Variants in MAN2A1 observed in about 807,000 individuals in gnomAD.
The protein encoded by MAN2A1 is alpha-mannosidase 2.
Under a neutral mutation model 142.6 loss-of-function variants are expected in MAN2A1, and 76 were observed. The observed-to-expected ratio is 0.53, with a 90% confidence interval of 0.44 to 0.65. The LOEUF (loss-of-function observed/expected upper bound fraction) is 0.65, where lower values mean the gene tolerates loss of function less well. Among genes scored for constraint, MAN2A1 ranks in the 30% least tolerant of loss-of-function variants. The pLI, the probability that MAN2A1 is intolerant of heterozygous loss-of-function variation, is 0.00. For synonymous variants in MAN2A1, 559 were observed against 473.2 expected, an observed-to-expected ratio of 1.18 and a Z score of -2.35; for missense variants, 1,311 against 1,365.1, an observed-to-expected ratio of 0.96 and a Z score of 0.62.
At chr5:109,780,160 C>T (rs906934613) in intron 8 of MAN2A1, among the ~76,000 whole-genome samples, 2 of 152,102 alleles carry the variant, frequency 1.3e-5, no homozygotes, top group African/African-American at 4.8e-5. Context: ...TGGGTTCACG[C>T]CATTCTCCTG....
intron 16 of MAN2A1, among the ~76,000 whole-genome samples, chr5:109,833,477 G>A (rs1000087913): frequency 1.2e-4 from 18 of 152,240 alleles, no homozygotes; most frequent in African/African-American, 4.1e-4. Context: ...AGACCAGCCC[G>A]GCCAACACGG....
At chr5:109,699,235 C>T (rs1750903272) in intron 1 of MAN2A1, among the ~76,000 whole-genome samples, 1 of 152,182 alleles carries the variant, frequency 6.6e-6, no homozygotes, top group Admixed American at 6.5e-5. Flanking sequence ...TTCTCACCCT[C>T]CCTCAGCCAT....
chr5:109,750,436 A>T (rs778211821), intron 4 of MAN2A1, among the ~76,000 whole-genome samples: 1 of 152,078 alleles, frequency 6.6e-6, no homozygotes, highest in Non-Finnish European at 1.5e-5. Context: ...AGGCAGTTCA[A>T]TGAAATAGGA....
At chr5:109,847,936 A>G (rs1755384011) in intron 19 of MAN2A1, 146 bp downstream of exon 19, 2 of 470,396 alleles carry the variant, frequency 4.3e-6, no homozygotes, top group Admixed American at 4.4e-5. Flanking sequence ...ATTCACAGAA[A>G]GAGAACTTCA....
Position 109,847,790 on chromosome 5 carries a change from G to A in MAN2A1, c.2976G>A (p.Thr992=), listed in dbSNP as rs773697211. ...ILLEKRSAVN[T]EEEKKSVSYP... Reference sequence around the variant, plus strand: ...TAGAAAAAAGAAGTGCTGTTAATACGGTATGAAAAAATAACTAGCATGATC... The same window carrying A: ...TAGAAAAAAGAAGTGCTGTTAATACAGTATGAAAAAATAACTAGCATGATC... Residue 992 remains threonine, a splice_region_variant and synonymous_variant, in exon 19 of 22, where the codon ACG becomes ACA. Transcript: ENST00000261483. 3.3e-6 allele frequency: 5 copies of A among 1,529,584 alleles called. No individual in the cohort carries two copies. The highest frequency in any genetic ancestry group is 4.1e-5 in the Admixed American group (2 of 48,404). 94.8% of individuals were successfully genotyped at this position (1,529,584 alleles called of 1,614,324 possible).
chr5:109,752,609 G>T (rs1401473987), intron 4 of MAN2A1, among the ~76,000 whole-genome samples: 1 of 152,140 alleles, frequency 6.6e-6, no homozygotes, highest in Non-Finnish European at 1.5e-5. Context: ...GGGGTACAGT[G>T]GGAGTGTTAG....
At chr5:109,825,237 C>T (rs1390540439) in intron 16 of MAN2A1, among the ~76,000 whole-genome samples, 2 of 152,162 alleles carry the variant, frequency 1.3e-5, no homozygotes, top group African/African-American at 4.8e-5. Flanking sequence ...TATAGCATTA[C>T]CCCACAGAAG....
intron 21 of MAN2A1, among the ~76,000 whole-genome samples, chr5:109,865,681 G>A (rs1374359179): frequency 6.6e-6 from 1 of 152,234 alleles, no homozygotes. Context: ...GTAGGTCTTG[G>A]TCTTCTGATT....
At chr5:109,731,241 T>TA (rs1751898155) in intron 4 of MAN2A1, among the ~76,000 whole-genome samples, 1 of 151,960 alleles carries the variant, frequency 6.6e-6, no homozygotes, top group Non-Finnish European at 1.5e-5. Flanking sequence ...CTCTTTTAGT[T>TA]ATTTTGAAAT....
At chr5:109,696,107 CTT>C (rs755433787) in intron 1 of MAN2A1, among the ~76,000 whole-genome samples, 1 of 145,726 alleles carries the variant, frequency 6.9e-6, no homozygotes, top group Admixed American at 6.9e-5. Context: ...TAGTATATAT[CTT>C]TTTTTTTTTT....
rs146698296 is a variant in MAN2A1, at chr5:109,806,195, A to C, written c.1944-11078A>C. ...TAGTTGCTGCATCAGTGCTTCTAGCACGTGCACCCTGACTGCCTTACCCAC... is the reference window on the plus strand; with the variant it reads ...TAGTTGCTGCATCAGTGCTTCTAGCCCGTGCACCCTGACTGCCTTACCCAC... On this transcript the variant is annotated intron_variant, in intron 12 of 21. Transcript: ENST00000261483. Among the ~76,000 whole-genome samples, 148 of 152,290 alleles carry C rather than the reference A, an allele frequency of 9.7e-4. 1 individual carries two copies. The highest frequency in any genetic ancestry group is 3.5e-3 in the African/African-American group (144 of 41,552).
chr5:109,793,965 G>A (rs560265719), intron 12 of MAN2A1, among the ~76,000 whole-genome samples: 5 of 152,084 alleles, frequency 3.3e-5, no homozygotes, highest in Admixed American at 2.0e-4. Context: ...TTCAAGGCTA[G>A]CTTTTTTCTT....
At chr5:109,800,115 GA>G (rs1053004405) in intron 12 of MAN2A1, among the ~76,000 whole-genome samples, 9 of 148,626 alleles carry the variant, frequency 6.1e-5, no homozygotes, top group Non-Finnish European at 1.0e-4. Context: ...AACAACCTCA[GA>G]CTTCACCTCT....
At chr5:109,700,094 A>C (rs749027515) in intron 1 of MAN2A1, among the ~76,000 whole-genome samples, 5 of 152,044 alleles carry the variant, frequency 3.3e-5, no homozygotes, top group Non-Finnish European at 7.4e-5. Context: ...TGACTTCCTG[A>C]TATGTAGTTT....
At chr5:109,846,140 C>A in intron 18 of MAN2A1, 134 bp downstream of exon 18, 1 of 724,606 alleles carries the variant, frequency 1.4e-6, no homozygotes, top group Non-Finnish European at 2.1e-6. Flanking sequence ...CTTTCAACAA[C>A]CAGACTATTA....
At chr5:109,716,374 TCTGA>T in intron 3 of MAN2A1, 110 bp downstream of exon 3, 1 of 823,134 alleles carries the variant, frequency 1.2e-6, no homozygotes, top group Non-Finnish European at 1.9e-6. Flanking sequence ...GACATTATTC[TCTGA>T]CTTTTAACAT....
chr5:109,699,327 G>A (rs1386726815), intron 1 of MAN2A1, among the ~76,000 whole-genome samples: 1 of 152,026 alleles, frequency 6.6e-6, no homozygotes, highest in Admixed American at 6.5e-5. Context: ...ACTATAGGTT[G>A]GTTACAAAAA....
intron 20 of MAN2A1, among the ~76,000 whole-genome samples, chr5:109,861,459 A>G (rs554589725): frequency 6.6e-6 from 1 of 152,308 alleles, no homozygotes; most frequent in Admixed American, 6.5e-5. Context: ...AGCTACAATT[A>G]CTTTTGCACC....
At chr5:109,695,895 G>T (rs1329489502) in intron 1 of MAN2A1, among the ~76,000 whole-genome samples, 1 of 152,196 alleles carries the variant, frequency 6.6e-6, no homozygotes, top group East Asian at 1.9e-4. Context: ...TTTAAATTCA[G>T]ACAGGTTTGA....
Sources: allele counts gnomAD v4.1 joint callset (sites outside exome capture counted in the v4.1 genomes callset), GRCh38; gene constraint gnomAD v4.1.1; transcripts MANE v1.5; gene names NCBI Gene and HGNC (gene_info 2026-07-23, HGNC 2026-07-21).